Variants in NPAS2 observed in about 807,000 individuals in gnomAD.
NPAS2 encodes neuronal PAS domain protein 2, also known as neuronal PAS domain-containing protein 2.
In NPAS2, 23 loss-of-function variants were observed where a neutral mutation model predicts 107.5. The observed-to-expected ratio is 0.21, with a 90% CI of 0.15 to 0.30. NPAS2 has a LOEUF of 0.30. NPAS2 is among the 10% of genes least tolerant of loss of function. The pLI is 1.00. For synonymous variants in NPAS2, 403 were observed against 417.5 expected, an observed-to-expected ratio of 0.97 and a Z score of 0.42; for missense variants, 756 against 1,043.3, an observed-to-expected ratio of 0.72 and a Z score of 3.79.
intron 3 of NPAS2, among the ~76,000 whole-genome samples, chr2:100,930,926 T>C (rs554134010): frequency 1.8e-4 from 27 of 152,334 alleles, no homozygotes; most frequent in East Asian, 7.7e-4. Context: ...CAGATGAGTG[T>C]GCATATTGGG....
At chr2:100,901,845 G>A (rs968143875) in intron 1 of NPAS2, among the ~76,000 whole-genome samples, 12 of 151,890 alleles carry the variant, frequency 7.9e-5, no homozygotes, top group Non-Finnish European at 1.8e-4. Context: ...CTCCTCAGAG[G>A]ATCCCACCCG....
intron 1 of NPAS2, among the ~76,000 whole-genome samples, chr2:100,902,744 AAAT>A (rs1257196803): frequency 2.0e-5 from 3 of 152,192 alleles, no homozygotes; most frequent in Non-Finnish European, 4.4e-5. Context: ...TTAAGTGAAA[AAAT>A]AACATGGTAG....
intron 10 of NPAS2, among the ~76,000 whole-genome samples, chr2:100,967,458 C>T (rs1676293283): frequency 6.6e-6 from 1 of 151,854 alleles, no homozygotes; most frequent in South Asian, 2.1e-4. Context: ...GATCTCCTGA[C>T]CTCATGATCC....
chr2:100,945,555 G>A (rs1450421539), intron 5 of NPAS2, among the ~76,000 whole-genome samples: 2 of 152,114 alleles, frequency 1.3e-5, no homozygotes, highest in Admixed American at 1.3e-4. Flanking sequence ...CTTCCTTCAG[G>A]TTCTTCGTGG....
chr2:100,964,313 CT>C (rs1676087246), intron 8 of NPAS2, 137 bp downstream of exon 8: 1 of 719,576 alleles, frequency 1.4e-6, no homozygotes, highest in Non-Finnish European at 2.5e-6. Context: ...AAGTGTCTGG[CT>C]TCTGTGCCTG....
intron 3 of NPAS2, among the ~76,000 whole-genome samples, chr2:100,930,862 C>G (rs979588896): frequency 1.3e-5 from 2 of 152,188 alleles, no homozygotes; most frequent in African/African-American, 4.8e-5. Context: ...AAAGACTCTT[C>G]TGCTAGAAAA....
intron 10 of NPAS2, among the ~76,000 whole-genome samples, chr2:100,966,880 A>C (rs1426156490): frequency 6.6e-6 from 1 of 152,196 alleles, no homozygotes; most frequent in Admixed American, 6.5e-5. Flanking sequence ...TACAGGCATA[A>C]GCCACTGTGC....
At chr2:100,824,764 T>C (rs1239324535) in intron 1 of NPAS2, among the ~76,000 whole-genome samples, 2 of 152,242 alleles carry the variant, frequency 1.3e-5, no homozygotes, top group Non-Finnish European at 2.9e-5. Context: ...TTTTTTAAAA[T>C]ATATTTTGGG....
intron 1 of NPAS2, among the ~76,000 whole-genome samples, chr2:100,900,539 C>T (rs1234415337): frequency 2.6e-5 from 4 of 152,238 alleles, no homozygotes; most frequent in Non-Finnish European, 2.9e-5. Context: ...ACAGCTACCC[C>T]GTGTTCCAAG....
intron 3 of NPAS2, among the ~76,000 whole-genome samples, chr2:100,927,566 C>A (rs1683663652): frequency 6.6e-6 from 1 of 152,246 alleles, no homozygotes; most frequent in Non-Finnish European, 1.5e-5. Context: ...CTTCTAACCC[C>A]ATAGGTTGCT....
intron 5 of NPAS2, among the ~76,000 whole-genome samples, chr2:100,944,870 C>A (rs1403435458): frequency 2.0e-5 from 3 of 152,152 alleles, no homozygotes; most frequent in East Asian, 3.9e-4. Flanking sequence ...ACACAGGTGA[C>A]CCGGCCAGGC....
intron 1 of NPAS2, among the ~76,000 whole-genome samples, chr2:100,848,577 G>A (rs1340057188): frequency 1.3e-5 from 2 of 152,182 alleles, no homozygotes; most frequent in Non-Finnish European, 2.9e-5. Flanking sequence ...TTTTTCTGAA[G>A]CACCCTGTTG....
At chr2:100,934,735 T>A in intron 4 of NPAS2, 2 of 963,586 alleles carry the variant, frequency 2.1e-6, no homozygotes, top group Non-Finnish European at 2.5e-6. Context: ...TCCTCCCTGG[T>A]GGCCTGAGCC....
chr2:100,931,614 G>A (rs1162915258), intron 3 of NPAS2, among the ~76,000 whole-genome samples: 4 of 151,570 alleles, frequency 2.6e-5, no homozygotes, highest in South Asian at 2.1e-4. Flanking sequence ...AGCCTCCTGA[G>A]GAGCTGGGAC....
At chr2:100,842,558 C>G (rs951917378) in intron 1 of NPAS2, among the ~76,000 whole-genome samples, 2 of 152,152 alleles carry the variant, frequency 1.3e-5, no homozygotes, top group Admixed American at 6.5e-5. Context: ...ACCCAGCTGC[C>G]TCCTCTTTCT....
chr2:100,948,276 A>G lies in NPAS2; in HGVS notation c.405A>G (p.Glu135=), dbSNP rs1031292731. ...AGAATTTGTTAAATTTCCTCCCAGA[A>G]CAAGAACATTCAGAAGTTTATAAAA... The part of the protein sequence containing the change: ...MDQNLLNFLP[E]QEHSEVYKIL... The change falls in exon 6 of 21, where the codon GAA becomes GAG. Residue 135 remains glutamate (E), a synonymous_variant. Transcript: ENST00000335681. 3 of 1,613,586 alleles carry G rather than the reference A, an allele frequency of 1.9e-6. No homozygotes were observed. Among genetic ancestry groups the G allele is most frequent in the Non-Finnish European group, 2.5e-6 (3 of 1,179,844 alleles).
Position 100,881,093 on chromosome 2 carries a change from G to A in NPAS2, c.-22-23640G>A, listed in dbSNP as rs527256781. On this transcript the variant is annotated intron_variant, in intron 1 of 20. Coordinates refer to ENST00000335681, the MANE Select transcript of NPAS2 (RefSeq NM_002518.4). ...CACCCCAGGGATGCTGACGCTGTTG[G>A]CCTAAGGTGTGGACTGGGCATCCGG... Among the ~76,000 whole-genome samples, 5 of 152,328 alleles carry A rather than the reference G, an allele frequency of 3.3e-5. 1 individual carries two copies. In the South Asian group the frequency reaches 1.0e-3, roughly 32 times the overall value.
At chr2:100,904,854 C>T (rs1226639893) in intron 2 of NPAS2, 68 bp downstream of exon 2, 2 of 1,180,382 alleles carry the variant, frequency 1.7e-6, no homozygotes, top group Admixed American at 2.0e-5. Flanking sequence ...GGCAGAATCT[C>T]GCTGGCTTTC....
intron 1 of NPAS2, among the ~76,000 whole-genome samples, chr2:100,871,496 AATTTTTGT>A (rs1432710235): frequency 6.6e-6 from 1 of 151,914 alleles, no homozygotes; most frequent in Non-Finnish European, 1.5e-5. Context: ...GTGCTTGGCT[AATTTTTGT>A]ATTTTTGGTA....
Sources: allele counts gnomAD v4.1 joint callset (sites outside exome capture counted in the v4.1 genomes callset), GRCh38; gene constraint gnomAD v4.1.1; transcripts MANE v1.5; gene names NCBI Gene and HGNC (gene_info 2026-07-23, HGNC 2026-07-21).